Variants in RNF24 observed in about 807,000 individuals in gnomAD.
The protein encoded by RNF24 is ring finger protein 24.
Under a neutral mutation model 20.0 loss-of-function variants are expected in RNF24, and 14 were observed. That is an observed-to-expected ratio of 0.70 (90% CI 0.46 to 1.10). The LOEUF (loss-of-function observed/expected upper bound fraction) is 1.10. RNF24 is among the 50% of genes least tolerant of loss of function. The probability of loss-of-function intolerance (pLI) is 0.00; values close to 1 mark genes in which losing one functional copy is unlikely to be tolerated. For synonymous variants in RNF24, 45 were observed against 61.1 expected, an observed-to-expected ratio of 0.74 and a Z score of 1.23; for missense variants, 124 against 177.6, an observed-to-expected ratio of 0.70 and a Z score of 1.71.
intron 2 of RNF24, among the ~76,000 whole-genome samples, chr20:3,951,483 T>A (rs1196650245): frequency 6.6e-6 from 1 of 152,230 alleles, no homozygotes; most frequent in Non-Finnish European, 1.5e-5. Flanking sequence ...GATTTTAGCA[T>A]CCACCTTGCT....
chr20:3,964,098 T>G, intron 1 of RNF24, 74 bp from the exon 2 acceptor site: 1 of 1,315,088 alleles, frequency 7.6e-7, no homozygotes, highest in Non-Finnish European at 1.1e-6. Context: ...ATTGTGCACG[T>G]ATAGAGGCAC....
chr20:4,013,045 CCT>C (rs1568677506), intron 1 of RNF24, among the ~76,000 whole-genome samples: 15 of 151,558 alleles, frequency 9.9e-5, no homozygotes, highest in African/African-American at 3.4e-4. Context: ...TTCATAAAAG[CCT>C]TGTTTTAAAT....
rs141294527 is a variant in RNF24, at chr20:3,977,987, A to G, written c.-7-13963T>C. Among the ~76,000 whole-genome samples, 257 of 152,324 alleles carry G rather than the reference A, an allele frequency of 1.7e-3. 1 individual carries two copies. The highest frequency in any genetic ancestry group is 5.9e-3 in the African/African-American group (246 of 41,566). Reference sequence around the variant, plus strand: ...ACAAAAATACAGTTAGACACAAAGAATAAGTTCTAGTATTTTACAGTGCAA... The same window carrying G: ...ACAAAAATACAGTTAGACACAAAGAGTAAGTTCTAGTATTTTACAGTGCAA... On this transcript the variant is annotated intron_variant, in intron 1 of 5. Coordinates refer to ENST00000358395, the MANE Select transcript of RNF24 (RefSeq NM_001134337.3).
intron 1 of RNF24, among the ~76,000 whole-genome samples, chr20:3,998,821 CTGTAAT>C (rs1981142297): frequency 6.6e-6 from 1 of 150,618 alleles, no homozygotes; most frequent in African/African-American, 2.4e-5. Context: ...TGGCTCACAC[CTGTAAT>C]CCCAGGACTT....
intron 2 of RNF24, among the ~76,000 whole-genome samples, chr20:3,949,570 G>C (rs1280368947): frequency 6.6e-6 from 1 of 152,024 alleles, no homozygotes; most frequent in Admixed American, 6.5e-5. Context: ...TGTGGTCCCA[G>C]CTACTCGGGA....
chr20:3,977,472 G>A (rs1390613561), intron 1 of RNF24, among the ~76,000 whole-genome samples: 1 of 152,030 alleles, frequency 6.6e-6, no homozygotes, highest in Non-Finnish European at 1.5e-5. Flanking sequence ...AGGGGAAGAA[G>A]GGGGGTCATA....
chr20:3,995,478 CCTAT>C (rs143624050), intron 1 of RNF24, among the ~76,000 whole-genome samples: 2,487 of 152,236 alleles, frequency 0.016, 35 homozygotes, highest in Middle Eastern at 0.037. Flanking sequence ...AAATTAAAAC[CCTAT>C]CTGTTTTTAG....
At chr20:4,004,947 C>A (rs1295379042) in intron 1 of RNF24, among the ~76,000 whole-genome samples, 3 of 152,192 alleles carry the variant, frequency 2.0e-5, no homozygotes, top group African/African-American at 7.2e-5. Flanking sequence ...GCCCCCTACC[C>A]CAAATCTCTT....
At chr20:4,009,147 G>C (rs1199521641) in intron 1 of RNF24, among the ~76,000 whole-genome samples, 1 of 152,128 alleles carries the variant, frequency 6.6e-6, no homozygotes, top group African/African-American at 2.4e-5. Context: ...CCTTCTATTA[G>C]GGGTAAGTCA....
chr20:3,974,779 A>G (rs1978717182), intron 1 of RNF24, among the ~76,000 whole-genome samples: 1 of 152,212 alleles, frequency 6.6e-6, no homozygotes, highest in African/African-American at 2.4e-5. Context: ...ATAAATGCAG[A>G]GACATACTAT....
chr20:3,953,900 G>A (rs2091111835), intron 2 of RNF24, among the ~76,000 whole-genome samples: 1 of 151,380 alleles, frequency 6.6e-6, no homozygotes, highest in Admixed American at 6.6e-5. Flanking sequence ...GAGAATACAG[G>A]TGTGTGCCAC....
At chr20:3,991,247 C>CTT (rs10599625) in intron 1 of RNF24, among the ~76,000 whole-genome samples, 10 of 82,780 alleles carry the variant, frequency 1.2e-4, no homozygotes, top group East Asian at 5.2e-4. Flanking sequence ...TTTTAAACAA[C>CTT]TTTTTTTTTT....
chr20:3,984,313 C>T (rs557536298), intron 1 of RNF24, among the ~76,000 whole-genome samples: 2 of 152,224 alleles, frequency 1.3e-5, no homozygotes, highest in Non-Finnish European at 2.9e-5. Flanking sequence ...ACCTTTATGG[C>T]CTCTTGTGAG....
intron 4 of RNF24, among the ~76,000 whole-genome samples, chr20:3,936,030 G>A (rs1299958933): frequency 6.6e-6 from 1 of 152,202 alleles, no homozygotes; most frequent in East Asian, 1.9e-4. Context: ...TGGCTTTGCT[G>A]TTACTAGTTT....
chr20:3,998,782 T>G (rs140281228), intron 1 of RNF24, among the ~76,000 whole-genome samples: 2 of 105,744 alleles, frequency 1.9e-5, no homozygotes, highest in South Asian at 6.0e-4. Flanking sequence ...TTAAAAAAAA[T>G]AAATAATGTA....
intron 1 of RNF24, among the ~76,000 whole-genome samples, chr20:3,973,006 C>G (rs990126579): frequency 3.3e-5 from 5 of 151,640 alleles, no homozygotes; most frequent in Middle Eastern, 3.2e-3. Context: ...AGTTTGAGAC[C>G]AGCCTAGCCA....
intron 4 of RNF24, among the ~76,000 whole-genome samples, chr20:3,942,629 C>T (rs768131398): frequency 1.3e-5 from 2 of 152,026 alleles, no homozygotes; most frequent in Non-Finnish European, 2.9e-5. Context: ...CCCACCACCA[C>T]GCCCGGCTAA....
intron 2 of RNF24, among the ~76,000 whole-genome samples, chr20:3,957,519 C>T (rs1027804813): frequency 2.0e-5 from 3 of 150,766 alleles, no homozygotes; most frequent in African/African-American, 4.9e-5. Context: ...CATTAGAAGT[C>T]ATTAAAATGA....
chr20:3,954,112 C>T (rs1356305918), intron 2 of RNF24, among the ~76,000 whole-genome samples: 1 of 152,072 alleles, frequency 6.6e-6, no homozygotes, highest in Admixed American at 6.6e-5. Context: ...TTACAACTAA[C>T]CGCCTTCAAG....
Sources: allele counts gnomAD v4.1 joint callset (sites outside exome capture counted in the v4.1 genomes callset), GRCh38; gene constraint gnomAD v4.1.1; transcripts MANE v1.5; gene names NCBI Gene and HGNC (gene_info 2026-07-23, HGNC 2026-07-21).